STARD9: variants seen among roughly 807,000 people sequenced by gnomAD.
The protein encoded by STARD9 is stAR-related lipid transfer protein 9.
A neutral mutation model predicts 399.8 loss-of-function variants in STARD9; 346 were observed. That is an observed-to-expected ratio of 0.87 (90% CI 0.79 to 0.95). The LOEUF (loss-of-function observed/expected upper bound fraction) is 0.95. Ranked by LOEUF, STARD9 falls within the 40% of genes least tolerant of loss-of-function variation. The pLI is 0.00. For synonymous variants in STARD9, 2,203 were observed against 2,143.5 expected (o/e 1.03, Z -0.77); for missense variants, 5,832 against 5,667.5 (o/e 1.03, Z -0.93).
At chr15:42,694,806 A>G in intron 24 of STARD9, 81 bp downstream of exon 24, 1 of 1,138,606 alleles carries the variant, frequency 8.8e-7, no homozygotes. Flanking sequence ...AAGTTTTAGC[A>G]TCCTGGAGGG....
chr15:42,621,414 T>C (rs1202019862), intron 3 of STARD9, among the ~76,000 whole-genome samples: 4 of 152,196 alleles, frequency 2.6e-5, no homozygotes, highest in African/African-American at 9.6e-5. Context: ...AGAAAAATTT[T>C]AGACAAATTT....
At chr15:42,624,521 G>T (rs915382910) in intron 3 of STARD9, among the ~76,000 whole-genome samples, 12 of 146,062 alleles carry the variant, frequency 8.2e-5, no homozygotes, top group Non-Finnish European at 1.8e-4. Context: ...TGAATAGTGG[G>T]ATCATTTTTG....
At chr15:42,618,361 G>A (rs2059014989) in intron 3 of STARD9, among the ~76,000 whole-genome samples, 1 of 151,934 alleles carries the variant, frequency 6.6e-6, no homozygotes, top group Non-Finnish European at 1.5e-5. Context: ...GTGAACTCCT[G>A]TGCTCAAGTG....
chr15:42,713,324 G>A (rs896117007), intron 26 of STARD9, among the ~76,000 whole-genome samples: 3 of 152,014 alleles, frequency 2.0e-5, no homozygotes, highest in Non-Finnish European at 1.5e-5. Context: ...TAGTTCTGAT[G>A]GTTTTTTAAA....
intron 3 of STARD9, among the ~76,000 whole-genome samples, chr15:42,617,564 C>T (rs976904669): frequency 6.6e-6 from 1 of 152,094 alleles, no homozygotes; most frequent in Non-Finnish European, 1.5e-5. Context: ...CTCCTGTGTA[C>T]ATAAATATAC....
At chr15:42,608,222 G>T (rs1189297905) in intron 3 of STARD9, among the ~76,000 whole-genome samples, 1 of 152,168 alleles carries the variant, frequency 6.6e-6, no homozygotes, top group Non-Finnish European at 1.5e-5. Flanking sequence ...ATGCAGCACT[G>T]CCCTTCTGCA....
rs2060728724 is a variant in STARD9, at chr15:42,692,321, T to G, written c.10743T>G (p.Thr3581=). ...IPTSPEGVAP[T]SGHDRRPQFR... is the part of the protein sequence containing the mutation. ...CGAGCCCTGAAGGAGTAGCCCCCAC[T>G]TCGGGTCATGACAGAAGGCCTCAGT... is the stretch of plus-strand genomic sequence containing the variant. Residue 3581 remains threonine (T), a synonymous_variant, in exon 23 of 33, where the codon ACT becomes ACG. Coordinates refer to ENST00000290607, the MANE Select transcript of STARD9 (RefSeq NM_020759.3). 1 of 1,536,860 alleles carries G rather than the reference T, an allele frequency of 6.5e-7. No homozygotes were observed. Among genetic ancestry groups the G allele is most frequent in the African/African-American group, 1.4e-5 (1 of 73,012 alleles).
intron 3 of STARD9, among the ~76,000 whole-genome samples, chr15:42,626,752 T>G (rs2059234443): frequency 6.6e-6 from 1 of 151,656 alleles, no homozygotes; most frequent in Non-Finnish European, 1.5e-5. Flanking sequence ...CCCCAGGTGA[T>G]CCACCCACCT....
rs553973429 is a variant in STARD9 at position 42,719,956 on chromosome 15, C to T, written c.*382C>T. On this transcript the variant is annotated 3_prime_UTR_variant, in exon 33 of 33. Coordinates refer to ENST00000290607, the MANE Select transcript of STARD9 (RefSeq NM_020759.3). The stretch of plus-strand genomic sequence containing the variant: ...GCAGTGCTTTGGCAAGGTGCTTCCG[C>T]AGGCTGGTAGGGAAGCAGGCAGCCA... The T allele has an allele frequency of 5.7e-6, 1 of 176,796 alleles. No homozygotes were observed. Among genetic ancestry groups the T allele is most frequent in the Admixed American group, 5.9e-5 (1 of 16,918 alleles). The allele number at this position is 176,796 out of a possible 1,614,324, so 11.0% of individuals were successfully genotyped here.
At chr15:42,580,769 G>T (rs2058151877) in intron 1 of STARD9, among the ~76,000 whole-genome samples, 1 of 152,126 alleles carries the variant, frequency 6.6e-6, no homozygotes, top group South Asian at 2.1e-4. Context: ...CAGAGATCAT[G>T]CCACTGCACT....
chr15:42,638,817 G>T lies in STARD9; in HGVS notation c.559+5G>T. On this transcript the variant is annotated splice_donor_5th_base_variant and intron_variant, in intron 7 of 32. Coordinates refer to ENST00000290607, the MANE Select transcript of STARD9 (RefSeq NM_020759.3). ...AGATGGGGCCCTATGTACAAGGTGA[G>T]CTACTGTGGTCCTGGAGATCTGAAA... 1 of 1,504,750 alleles carries T rather than the reference G, an allele frequency of 6.6e-7. No homozygotes were observed. Among genetic ancestry groups the T allele is most frequent in the Non-Finnish European group, 8.9e-7 (1 of 1,123,252 alleles). 93.2% of individuals were successfully genotyped at this position (1,504,750 alleles called of 1,614,324 possible). A position where few individuals can be genotyped will look rare whatever the true frequency, so the allele number is the denominator to read the frequency against.
intron 26 of STARD9, among the ~76,000 whole-genome samples, chr15:42,715,225 G>A (rs1050609012): frequency 5.3e-5 from 8 of 152,184 alleles, no homozygotes; most frequent in Non-Finnish European, 1.0e-4. Flanking sequence ...CCAGCCACAC[G>A]GACACCGTGG....
Position 42,694,282 on chromosome 15 carries a change from CA to C in STARD9, c.12705del (p.Glu4237ArgfsTer9). On this transcript the variant is annotated frameshift_variant, in exon 23 of 33. Transcript: ENST00000290607. LOFTEE classifies it high-confidence loss of function. ...CTGCTCCAGGTGCTGCAGAGTGGGA[CA>C]GGGGAGGCGCTTGCTGCTGATGAAC... ...DALLQVLQSG[T>X]GEALAADEPV... 1.3e-6 allele frequency: 2 copies of C among 1,520,216 alleles called. No homozygotes were observed. Among genetic ancestry groups the C allele is most frequent in the Non-Finnish European group, 1.8e-6 (2 of 1,138,128 alleles). The allele number at this position is 1,520,216 out of a possible 1,614,324, so 94.2% of individuals were successfully genotyped here.
At chr15:42,661,334 A>G (rs1303925511) in intron 10 of STARD9, 109 bp downstream of exon 10, 3 of 811,342 alleles carry the variant, frequency 3.7e-6, no homozygotes, top group Admixed American at 2.4e-5. Context: ...GAGTATTACA[A>G]AAGAAATAAG....
In STARD9 at chr15:42,688,589, G is replaced by C. The variant is rs1279058394; in HGVS notation, c.7011G>C (p.Leu2337Phe). Residue 2337 changes from leucine (L) to phenylalanine (F), a missense_variant, in exon 23 of 33, where the codon TTG becomes TTC. By Grantham distance (22) the Leu-to-Phe change is conservative (BLOSUM62 0). Around this residue, in one of 2 missense-constraint regions of STARD9, gnomAD observed 5,828 missense variants for 5,651.1 expected, o/e 1.03. Coordinates refer to ENST00000290607, the MANE Select transcript of STARD9 (RefSeq NM_020759.3). The part of the protein sequence containing the change: ...LHQDLSNTLP[L>F]NSPRWPRRCL... ...AAGACCTGAGTAATACCTTGCCCTT[G>C]AATTCTCCAAGGTGGCCAAGAAGGT... 3.9e-6 allele frequency: 6 copies of C among 1,537,486 alleles called. No individual in the cohort carries two copies. The highest frequency in any genetic ancestry group is 2.0e-5 in the Admixed American group (1 of 50,972).
intron 20 of STARD9, 135 bp downstream of exon 20, chr15:42,676,110 C>G (rs2060306854): frequency 1.4e-6 from 1 of 716,486 alleles, no homozygotes; most frequent in African/African-American, 1.8e-5. Context: ...TCTGAATCAA[C>G]TTGGGCAAGT....
intron 28 of STARD9, 55 bp from the exon 29 acceptor site, chr15:42,717,675 CA>C (rs1176082101): frequency 2.0e-6 from 3 of 1,470,004 alleles, no homozygotes; most frequent in Admixed American, 2.0e-5. Flanking sequence ...CTGACTAACC[CA>C]GGGGCTTAGT....
In STARD9 at chr15:42,719,514, C is replaced by G. The variant is rs2061413727; in HGVS notation, c.14043C>G (p.Ser4681Arg). Residue 4681 changes from serine (S) to arginine (R), a missense_variant, in exon 33 of 33, where the codon AGC (serine) becomes AGG (arginine). Transcript: ENST00000290607. ...CAGGCTTCCCACCTCAGCTCCTGAGCTCTTTCATCAAACGGCAGCCACTGG... is the reference window on the plus strand; with the variant it reads ...CAGGCTTCCCACCTCAGCTCCTGAGGTCTTTCATCAAACGGCAGCCACTGG... The part of the protein sequence containing the change: ...GAPGFPPQLL[S>R]SFIKRQPLVI... 1 of 1,537,222 alleles carries G rather than the reference C, an allele frequency of 6.5e-7. No individual in the cohort carries two copies. Among genetic ancestry groups the G allele is most frequent in the African/African-American group, 1.4e-5 (1 of 73,170 alleles).
intron 13 of STARD9, 26 bp downstream of exon 13, chr15:42,663,943 C>T (rs1198860197): frequency 4.3e-6 from 6 of 1,410,754 alleles, no homozygotes; most frequent in Admixed American, 2.0e-5. Context: ...AAGTCCTGGT[C>T]TGGTATAGTT....
Sources: gnomAD v4.1 joint callset for allele counts (sites outside exome capture counted in the v4.1 genomes callset) on GRCh38, gnomAD v4.1.1 for gene constraint, gnomAD v4.1.1 regional missense constraint, MANE v1.5 for transcripts, NCBI Gene and HGNC (gene_info 2026-07-23, HGNC 2026-07-21) for gene names.